The following LRRC3B variants were observed in gnomAD, a reference collection of about 807,000 sequenced individuals.
LRRC3B encodes the protein leucine rich repeat containing 3B.
In LRRC3B, 2 loss-of-function variants were observed where a neutral mutation model predicts 12.8. The observed-to-expected ratio is 0.16, with a 90% CI of 0.06 to 0.49. The LOEUF (loss-of-function observed/expected upper bound fraction) is 0.49, where lower values mean the gene tolerates loss of function less well. LRRC3B is among the 20% of genes least tolerant of loss of function. LRRC3B has a pLI of 0.96. For missense variants in LRRC3B, 189 were observed against 319.4 expected (o/e 0.59, Z 3.11); for synonymous variants, 132 against 122.0 (o/e 1.08, Z -0.54).
intron 1 of LRRC3B, among the ~76,000 whole-genome samples, chr3:26,698,732 G>A (rs368197663): frequency 1.1e-4 from 17 of 152,012 alleles, no homozygotes; most frequent in Admixed American, 7.2e-4. Context: ...GATATATTTC[G>A]TTTTTGCTGA....
At chr3:26,646,974 A>G (rs1003040838) in intron 1 of LRRC3B, among the ~76,000 whole-genome samples, 8 of 151,986 alleles carry the variant, frequency 5.3e-5, no homozygotes, top group African/African-American at 1.7e-4. Flanking sequence ...AATTCTTTTT[A>G]CTCAAGTGCG....
At chr3:26,706,026 A>G (rs1382681717) in intron 1 of LRRC3B, among the ~76,000 whole-genome samples, 1 of 152,158 alleles carries the variant, frequency 6.6e-6, no homozygotes, top group Non-Finnish European at 1.5e-5. Context: ...TTTATTTCTT[A>G]CAGTTCTGGA....
chr3:26,692,212 G>A (rs574107314), intron 1 of LRRC3B, among the ~76,000 whole-genome samples: 13 of 152,244 alleles, frequency 8.5e-5, no homozygotes, highest in South Asian at 6.2e-4. Context: ...TAAGTACTGC[G>A]GTTACACTCG....
intron 1 of LRRC3B, among the ~76,000 whole-genome samples, chr3:26,648,412 C>A (rs1699196818): frequency 6.6e-6 from 1 of 151,990 alleles, no homozygotes; most frequent in African/African-American, 2.4e-5. Context: ...ACACACACTC[C>A]ATTTTTACAA....
chr3:26,633,908 G>A (rs1698811462), intron 1 of LRRC3B, among the ~76,000 whole-genome samples: 1 of 152,142 alleles, frequency 6.6e-6, no homozygotes, highest in Admixed American at 6.5e-5. Context: ...TCCAAAAAGT[G>A]TCAGAAATCC....
intron 1 of LRRC3B, among the ~76,000 whole-genome samples, chr3:26,657,774 G>A (rs1196577357): frequency 3.9e-5 from 6 of 152,036 alleles, no homozygotes; most frequent in Non-Finnish European, 7.3e-5. Context: ...GTCTGGCTTG[G>A]CTTTTCATTC....
chr3:26,696,887 C>T (rs1700330878), intron 1 of LRRC3B, among the ~76,000 whole-genome samples: 1 of 152,146 alleles, frequency 6.6e-6, no homozygotes, highest in Non-Finnish European at 1.5e-5. Context: ...TTTGGCAGCT[C>T]TTTCCTAGGA....
chr3:26,682,839 CT>C (rs1211223496), intron 1 of LRRC3B, among the ~76,000 whole-genome samples: 1 of 152,200 alleles, frequency 6.6e-6, no homozygotes, highest in Non-Finnish European at 1.5e-5. Flanking sequence ...GTGTTTTCCT[CT>C]TCTACATCAA....
chr3:26,687,440 T>C (rs1282505826), intron 1 of LRRC3B, among the ~76,000 whole-genome samples: 1 of 152,256 alleles, frequency 6.6e-6, no homozygotes, highest in African/African-American at 2.4e-5. Flanking sequence ...GGGGATAATA[T>C]GCTTCCAAAT....
exon 2 of LRRC3B, chr3:26,710,200 G>A (rs775554225): frequency 6.2e-6 from 10 of 1,613,810 alleles, no homozygotes; most frequent in Non-Finnish European, 7.6e-6. Context: ...AAACGTCCGT[G>A]TTGGATGAAC....
At chr3:26,661,685 C>T (rs1012503532) in intron 1 of LRRC3B, among the ~76,000 whole-genome samples, 20 of 152,248 alleles carry the variant, frequency 1.3e-4, no homozygotes, top group Non-Finnish European at 1.5e-5. Flanking sequence ...AACAATGCTG[C>T]CATGAACATC....
At chr3:26,699,103 T>G (rs1425783259) in intron 1 of LRRC3B, among the ~76,000 whole-genome samples, 2 of 152,128 alleles carry the variant, frequency 1.3e-5, no homozygotes, top group African/African-American at 4.8e-5. Flanking sequence ...TCCAGATTAG[T>G]AAAATACCTC....
chr3:26,683,721 A>T (rs544180566), intron 1 of LRRC3B, among the ~76,000 whole-genome samples: 1 of 152,244 alleles, frequency 6.6e-6, no homozygotes, highest in South Asian at 2.1e-4. Flanking sequence ...CCCATTAGTT[A>T]TCAATTCTTC....
intron 1 of LRRC3B, among the ~76,000 whole-genome samples, chr3:26,674,858 G>C (rs766534232): frequency 7.9e-5 from 12 of 152,112 alleles, no homozygotes; most frequent in Admixed American, 5.2e-4. Flanking sequence ...CCTAATACCT[G>C]GGTGTCAGTG....
Position 26,671,350 on chromosome 3 carries a change from G to GTATATATATATATATATA in LRRC3B, c.-160-38156_-160-38139dup, listed in dbSNP as rs1161960755. Among the ~76,000 whole-genome samples, 18 of 56,754 alleles carry GTATATATATATATATATA rather than the reference G, an allele frequency of 3.2e-4. 2 individuals are homozygous for GTATATATATATATATATA. Among genetic ancestry groups the GTATATATATATATATATA allele is most frequent in the African/African-American group, 1.4e-3 (17 of 12,056 alleles). The allele number at this position is 56,754 out of a possible 152,430, so 37.2% of individuals were successfully genotyped here. On this transcript the variant is annotated intron_variant, in intron 1 of 1. Coordinates refer to ENST00000396641, the Ensembl canonical transcript of LRRC3B. ...TATAAATGTGTGTGTATATATGTGT[G>GTATATATATATATATATA]TATATATATATATATATATATATAG...
chr3:26,683,448 G>T (rs1338086191), intron 1 of LRRC3B, among the ~76,000 whole-genome samples: 1 of 152,128 alleles, frequency 6.6e-6, no homozygotes, highest in Admixed American at 6.5e-5. Context: ...CTCTAGCAAG[G>T]TCTAGAGAAA....
rs1490663089 is a variant in LRRC3B at position 26,628,313 on chromosome 3, G to C, written c.-161+5076G>C. 7.3e-5 allele frequency among the ~76,000 whole-genome samples: 11 copies of C among 150,800 alleles called. No homozygotes were observed. In the South Asian group the frequency reaches 2.3e-3, roughly 32 times the overall value. ...AGTATGAGTTAAAAGTCTTGGGTAA[G>C]ATATTTGAAAAAAAATAATCAAGAT... On this transcript the variant is annotated intron_variant, in intron 1 of 1. Transcript: ENST00000396641.
chr3:26,669,973 T>C (rs1342655963), intron 1 of LRRC3B, among the ~76,000 whole-genome samples: 2 of 152,244 alleles, frequency 1.3e-5, no homozygotes, highest in East Asian at 3.8e-4. Flanking sequence ...AGCTTGATAA[T>C]ATGCTACTTC....
At chr3:26,626,584 A>G (rs912655046) in intron 1 of LRRC3B, among the ~76,000 whole-genome samples, 1 of 151,798 alleles carries the variant, frequency 6.6e-6, no homozygotes, top group Non-Finnish European at 1.5e-5. Context: ...AATTATGCTC[A>G]CTCCTGCTGT....
Sources: allele counts gnomAD v4.1 joint callset (sites outside exome capture counted in the v4.1 genomes callset), GRCh38; gene constraint gnomAD v4.1.1; transcripts MANE v1.5; gene names NCBI Gene and HGNC (gene_info 2026-07-23, HGNC 2026-07-21).